The following DLG2 variants were observed in gnomAD, a reference collection of about 807,000 sequenced individuals.
The protein encoded by DLG2 is discs large MAGUK scaffold protein 2.
In DLG2, 45 loss-of-function variants were observed where a neutral mutation model predicts 132.5. That is an observed-to-expected ratio of 0.34 (90% CI 0.27 to 0.44). The LOEUF is 0.44. Ranked by LOEUF, DLG2 falls within the 20% of genes least tolerant of loss-of-function variation. The probability of loss-of-function intolerance (pLI) is 1.00; values close to 1 mark genes in which losing one functional copy is unlikely to be tolerated. For synonymous variants in DLG2, 424 were observed against 419.6 expected (o/e 1.01, Z -0.13); for missense variants, 1,045 against 1,196.9 (o/e 0.87, Z 1.87).
intron 9 of DLG2, among the ~76,000 whole-genome samples, chr11:84,101,526 A>G (rs761593111): frequency 1.3e-4 from 20 of 150,860 alleles, no homozygotes; most frequent in Non-Finnish European, 1.8e-4. Context: ...TATTCAAAGC[A>G]TAGCAAAAAA....
At chr11:84,297,360 A>G (rs2098105055) in intron 7 of DLG2, among the ~76,000 whole-genome samples, 1 of 152,010 alleles carries the variant, frequency 6.6e-6, no homozygotes, top group African/African-American at 2.4e-5. Context: ...TTTTCTGAAG[A>G]TGTTTTGACT....
chr11:85,105,704 T>C (rs1424204126), intron 6 of DLG2, among the ~76,000 whole-genome samples: 1 of 151,950 alleles, frequency 6.6e-6, no homozygotes, highest in Non-Finnish European at 1.5e-5. Flanking sequence ...ATAAGAGGAC[T>C]GCTGATAGCA....
rs5793100 is a variant in DLG2 at position 84,013,866 on chromosome 11, CAAAAAAA to C, written c.920-33231_920-33225del. On this transcript the variant is annotated intron_variant, in intron 11 of 27. Transcript: ENST00000376104. ...TGGGTGACAGAGTGGGACTGCGTCT[CAAAAAAA>C]AAAAAAAAAAAAAAAAAGCTCCCCT... Among the ~76,000 whole-genome samples the C allele has an allele frequency of 2.0e-4, 13 of 64,064 alleles. No homozygotes were observed. The South Asian group carries it at 7.5e-3, about 37-fold the overall frequency. 42.0% of individuals were successfully genotyped at this position (64,064 alleles called of 152,430 possible).
At chr11:84,076,815 C>T (rs947838364) in intron 10 of DLG2, among the ~76,000 whole-genome samples, 1 of 152,200 alleles carries the variant, frequency 6.6e-6, no homozygotes, top group Non-Finnish European at 1.5e-5. Context: ...TTCTCCTTTC[C>T]TGCATCACTT....
chr11:83,577,484 T>TTATATATATATATATAATAGGATATATTA (rs764976611), intron 19 of DLG2, among the ~76,000 whole-genome samples: 1 of 124,344 alleles, frequency 8.0e-6, no homozygotes, highest in African/African-American at 3.6e-5. Flanking sequence ...ATAGGATATA[T>TTATATATATATATATAATAGGATATATTA]TATATATATA....
chr11:83,924,890 G>A (rs1262350331), intron 15 of DLG2, among the ~76,000 whole-genome samples: 1 of 152,112 alleles, frequency 6.6e-6, no homozygotes, highest in Non-Finnish European at 1.5e-5. Flanking sequence ...GAAGATGAGT[G>A]TGCATTTTTC....
At chr11:84,252,140 C>CTTTTTTTTTTTTTTTTTTTT (rs1176873990) in intron 7 of DLG2, among the ~76,000 whole-genome samples, 1 of 65,352 alleles carries the variant, frequency 1.5e-5, no homozygotes, top group Non-Finnish European at 2.7e-5. Context: ...TTCTTTCTTT[C>CTTTTTTTTTTTTTTTTTTTT]TTTTTTTTTT....
intron 18 of DLG2, among the ~76,000 whole-genome samples, chr11:83,680,359 T>C (rs2078558918): frequency 6.6e-6 from 1 of 152,210 alleles, no homozygotes; most frequent in African/African-American, 2.4e-5. Flanking sequence ...ACTACCTTGT[T>C]CTTGGCATTA....
intron 18 of DLG2, among the ~76,000 whole-genome samples, chr11:83,719,669 G>A (rs1156551734): frequency 1.3e-5 from 2 of 152,190 alleles, no homozygotes; most frequent in African/African-American, 4.8e-5. Flanking sequence ...ATCTATTCAT[G>A]AGGGATCTGC....
chr11:83,483,836 G>A (rs1007747983), intron 22 of DLG2, among the ~76,000 whole-genome samples: 1 of 152,120 alleles, frequency 6.6e-6, no homozygotes, highest in East Asian at 1.9e-4. Flanking sequence ...GACTTAGAGG[G>A]TTGCATGATA....
At chr11:85,290,581 G>A (rs976232204) in intron 3 of DLG2, among the ~76,000 whole-genome samples, 2 of 152,026 alleles carry the variant, frequency 1.3e-5, no homozygotes, top group Admixed American at 1.3e-4. Flanking sequence ...CATAATAGAA[G>A]GAAGATGGCA....
intron 7 of DLG2, among the ~76,000 whole-genome samples, chr11:84,302,977 C>T (rs1233516186): frequency 6.6e-6 from 1 of 151,974 alleles, no homozygotes; most frequent in African/African-American, 2.4e-5. Context: ...ACACACTAGC[C>T]TGCCATGGTG....
rs185312852 is a variant in DLG2 at position 85,383,680 on chromosome 11, T to G, written c.41-98315A>C. On this transcript the variant is annotated intron_variant, in intron 3 of 27. Coordinates refer to ENST00000376104, the MANE Select transcript of DLG2 (RefSeq NM_001142699.3). Reference sequence around the variant, plus strand: ...TCAATATTTCAAATAAAATACAGCCTTTAAAATTTTAGTAATAACAATGAT... The same window carrying G: ...TCAATATTTCAAATAAAATACAGCCGTTAAAATTTTAGTAATAACAATGAT... Among the ~76,000 whole-genome samples, 21 of 152,288 alleles carry G rather than the reference T, an allele frequency of 1.4e-4. 1 individual carries two copies. The highest frequency in any genetic ancestry group is 4.1e-4 in the African/African-American group (17 of 41,540).
chr11:84,051,794 A>AG (rs2096390187), intron 11 of DLG2, among the ~76,000 whole-genome samples: 3 of 152,078 alleles, frequency 2.0e-5, no homozygotes, highest in African/African-American at 7.2e-5. Context: ...AGAAAAAAAA[A>AG]GAAGACAGGA....
chr11:85,299,171 A>G (rs963163220), intron 3 of DLG2, among the ~76,000 whole-genome samples: 2 of 152,112 alleles, frequency 1.3e-5, no homozygotes, highest in African/African-American at 4.8e-5. Flanking sequence ...CAATACTCCT[A>G]TGAGATAGGT....
At chr11:85,131,739 A>G (rs912621217) in intron 5 of DLG2, among the ~76,000 whole-genome samples, 6 of 152,162 alleles carry the variant, frequency 3.9e-5, no homozygotes, top group Non-Finnish European at 8.8e-5. Flanking sequence ...TAAAAGTAAT[A>G]TATTTAAGGT....
intron 6 of DLG2, among the ~76,000 whole-genome samples, chr11:84,886,518 G>C (rs899493028): frequency 1.3e-5 from 2 of 152,078 alleles, no homozygotes; most frequent in Admixed American, 1.3e-4. Context: ...AACATCTCTT[G>C]GCACCACTGT....
intron 8 of DLG2, among the ~76,000 whole-genome samples, chr11:84,236,892 A>ATCTT (rs2154340077): frequency 6.6e-6 from 1 of 150,416 alleles, no homozygotes; most frequent in African/African-American, 2.4e-5. Flanking sequence ...TTAAACAGGA[A>ATCTT]TCTTTATTCC....
chr11:84,408,945 C>G (rs2098878776), intron 7 of DLG2, among the ~76,000 whole-genome samples: 1 of 152,182 alleles, frequency 6.6e-6, no homozygotes. Flanking sequence ...ATCCTCCACA[C>G]TGCTGACAGA....
Sources: allele counts gnomAD v4.1 joint callset (sites outside exome capture counted in the v4.1 genomes callset), GRCh38; gene constraint gnomAD v4.1.1; transcripts MANE v1.5; gene names NCBI Gene and HGNC (gene_info 2026-07-23, HGNC 2026-07-21).